The following GPC5 variants were observed in gnomAD, a reference collection of about 807,000 sequenced individuals.
GPC5 encodes glypican-5.
GPC5 carries 47 observed loss-of-function variants against 53.9 expected under a neutral mutation model. The observed-to-expected ratio is 0.87, with a 90% CI of 0.69 to 1.11. The LOEUF (loss-of-function observed/expected upper bound fraction) is 1.11, where lower values mean the gene tolerates loss of function less well. GPC5 is among the 50% of genes most tolerant of loss of function. GPC5 has a pLI of 0.00. For synonymous variants in GPC5, 286 were observed against 263.3 expected, an observed-to-expected ratio of 1.09 and a Z score of -0.84; for missense variants, 748 against 713.1, an observed-to-expected ratio of 1.05 and a Z score of -0.56.
At chr13:91,511,738 C>T (rs1885240408) in intron 2 of GPC5, among the ~76,000 whole-genome samples, 1 of 151,714 alleles carries the variant, frequency 6.6e-6, no homozygotes, top group Non-Finnish European at 1.5e-5. Flanking sequence ...ATAAAATTTC[C>T]CATCTCTTCA....
Position 91,571,242 on chromosome 13 carries a change from G to A in GPC5, c.326-121945G>A, listed in dbSNP as rs552746461. The stretch of plus-strand genomic sequence containing the variant: ...AAGTAATGCCTTTCTCCTGTATTTG[G>A]AGATAAACATTTCTGATTTTAACTC... On this transcript the variant is annotated intron_variant, in intron 2 of 7. Transcript: ENST00000377067. Among the ~76,000 whole-genome samples, 20 of 152,126 alleles carry A rather than the reference G, an allele frequency of 1.3e-4. No individual in the cohort carries two copies. In the East Asian group the frequency reaches 3.9e-3, roughly 29 times the overall value.
At chr13:92,711,339 C>T (rs973680982) in intron 7 of GPC5, among the ~76,000 whole-genome samples, 1 of 152,156 alleles carries the variant, frequency 6.6e-6, no homozygotes, top group African/African-American at 2.4e-5. Context: ...CTTGCCTCAA[C>T]TTGTACACTG....
chr13:92,341,020 A>AT (rs975677439), intron 7 of GPC5, among the ~76,000 whole-genome samples: 3 of 151,986 alleles, frequency 2.0e-5, no homozygotes, highest in African/African-American at 4.8e-5. Flanking sequence ...GTCCATCTTC[A>AT]TTTTTTTTAA....
intron 5 of GPC5, among the ~76,000 whole-genome samples, chr13:91,764,953 T>A (rs1456025169): frequency 2.6e-5 from 4 of 152,202 alleles, no homozygotes; most frequent in Non-Finnish European, 4.4e-5. Flanking sequence ...GTCTCTCCCC[T>A]CTATTTCTCC....
intron 7 of GPC5, among the ~76,000 whole-genome samples, chr13:92,818,420 T>G (rs1219472488): frequency 1.3e-5 from 2 of 151,932 alleles, no homozygotes; most frequent in African/African-American, 4.8e-5. Context: ...TTAATCTAAG[T>G]AAAAAGAGGA....
At chr13:91,936,257 C>T (rs2039870055) in intron 6 of GPC5, among the ~76,000 whole-genome samples, 1 of 151,996 alleles carries the variant, frequency 6.6e-6, no homozygotes, top group Non-Finnish European at 1.5e-5. Flanking sequence ...CAGGCTTCTT[C>T]CATCATGTGG....
At chr13:91,457,562 A>G (rs989882396) in intron 2 of GPC5, among the ~76,000 whole-genome samples, 1 of 152,142 alleles carries the variant, frequency 6.6e-6, no homozygotes. Flanking sequence ...AGCCATGTGC[A>G]TAGGGACAAT....
intron 2 of GPC5, among the ~76,000 whole-genome samples, chr13:91,682,778 C>T (rs941177931): frequency 1.3e-5 from 2 of 152,190 alleles, no homozygotes; most frequent in African/African-American, 4.8e-5. Flanking sequence ...CACAGCTATC[C>T]TGCCCTTGGT....
chr13:91,455,416 T>C (rs1881474544), intron 2 of GPC5, among the ~76,000 whole-genome samples: 1 of 152,138 alleles, frequency 6.6e-6, no homozygotes, highest in Non-Finnish European at 1.5e-5. Flanking sequence ...TGATGTTGTA[T>C]CTTGTTTTCT....
intron 7 of GPC5, among the ~76,000 whole-genome samples, chr13:92,396,971 C>T (rs1246007284): frequency 6.6e-6 from 1 of 152,190 alleles, no homozygotes; most frequent in Non-Finnish European, 1.5e-5. Context: ...GCATATTTCA[C>T]AGTATTTATG....
rs2037607543 is a variant in GPC5, at chr13:91,770,704, T to TGTGTGTGTGTG, written c.1280+14284_1280+14285insGTGTGTGTGTG. ...TTCAAAGACTGGGGAGACTGTGTGTTTGTGTGTGTGTGTGTGTGTGTGTGT... is the reference window on the plus strand; with the variant it reads ...TTCAAAGACTGGGGAGACTGTGTGTTGTGTGTGTGTGTGTGTGTGTGTGTGTGTGTGTGTGT... On this transcript the variant is annotated intron_variant, in intron 5 of 7. Transcript: ENST00000377067. 2.1e-4 allele frequency among the ~76,000 whole-genome samples: 31 copies of TGTGTGTGTGTG among 145,656 alleles called. No individual in the cohort carries two copies. In the South Asian group the frequency reaches 2.3e-3, roughly 11 times the overall value.
intron 5 of GPC5, among the ~76,000 whole-genome samples, chr13:91,851,238 A>G (rs2038909516): frequency 6.6e-6 from 1 of 152,182 alleles, no homozygotes. Context: ...TACTGTAGGC[A>G]ATTGTAGCAC....
chr13:92,176,744 C>T (rs568813620), intron 7 of GPC5, among the ~76,000 whole-genome samples: 3 of 152,300 alleles, frequency 2.0e-5, no homozygotes, highest in East Asian at 1.9e-4. Context: ...CTCACCTCAA[C>T]GGCCACATCC....
intron 7 of GPC5, among the ~76,000 whole-genome samples, chr13:92,666,195 T>C (rs1379413751): frequency 6.6e-6 from 1 of 152,234 alleles, no homozygotes; most frequent in Non-Finnish European, 1.5e-5. Flanking sequence ...ATGGATTTTC[T>C]TTTGTGATAT....
chr13:92,635,892 A>C (rs1283313168), intron 7 of GPC5, among the ~76,000 whole-genome samples: 1 of 152,244 alleles, frequency 6.6e-6, no homozygotes, highest in Admixed American at 6.5e-5. Flanking sequence ...GCCTCAAATC[A>C]ATGCAGAATA....
chr13:92,159,156 C>T (rs2041967356), intron 7 of GPC5, among the ~76,000 whole-genome samples: 1 of 152,194 alleles, frequency 6.6e-6, no homozygotes, highest in Non-Finnish European at 1.5e-5. Context: ...CCACCAAATC[C>T]CTCAACTCCC....
At chr13:91,507,671 C>T (rs1422064811) in intron 2 of GPC5, among the ~76,000 whole-genome samples, 3 of 152,144 alleles carry the variant, frequency 2.0e-5, no homozygotes, top group Non-Finnish European at 4.4e-5. Flanking sequence ...AACAATATCA[C>T]AGCCACACTC....
intron 2 of GPC5, among the ~76,000 whole-genome samples, chr13:91,463,926 C>T (rs1249201063): frequency 6.6e-6 from 1 of 152,022 alleles, no homozygotes; most frequent in African/African-American, 2.4e-5. Context: ...GTGAAAATTA[C>T]AAACCATGTT....
At chr13:92,017,404 A>T (rs1289535431) in intron 6 of GPC5, among the ~76,000 whole-genome samples, 2 of 152,030 alleles carry the variant, frequency 1.3e-5, no homozygotes, top group East Asian at 3.9e-4. Flanking sequence ...TCAATCTGGG[A>T]TAAGTGATGC....
Sources: allele counts gnomAD v4.1 joint callset (sites outside exome capture counted in the v4.1 genomes callset), GRCh38; gene constraint gnomAD v4.1.1; transcripts MANE v1.5; gene names NCBI Gene and HGNC (gene_info 2026-07-23, HGNC 2026-07-21).